The following CAMK1D variants were observed in gnomAD, a reference collection of about 807,000 sequenced individuals.
CAMK1D encodes the protein calcium/calmodulin dependent protein kinase ID.
Under a neutral mutation model 47.7 loss-of-function variants are expected in CAMK1D, and 9 were observed. That is an observed-to-expected ratio of 0.19 (90% confidence interval 0.11 to 0.33). The LOEUF (loss-of-function observed/expected upper bound fraction) is 0.33, where lower values mean the gene tolerates loss of function less well. CAMK1D is among the 10% of genes least tolerant of loss of function. The pLI is 1.00. For synonymous variants in CAMK1D, 184 were observed against 184.9 expected (o/e 0.99, Z 0.04); for missense variants, 291 against 488.7 (o/e 0.60, Z 3.81).
chr10:12,508,036 T>A (rs1037763309), intron 1 of CAMK1D, among the ~76,000 whole-genome samples: 2 of 152,186 alleles, frequency 1.3e-5, no homozygotes, highest in African/African-American at 2.4e-5. Context: ...TTGACAGGCC[T>A]GGGGTAGGAC....
At chr10:12,819,568 A>G (rs560297296) in intron 8 of CAMK1D, among the ~76,000 whole-genome samples, 2 of 152,340 alleles carry the variant, frequency 1.3e-5, no homozygotes, top group South Asian at 4.1e-4. Flanking sequence ...GGACTTTTCA[A>G]GGGGTTACGT....
rs189568238 is a variant in CAMK1D at position 12,446,631 on chromosome 10, G to T, written c.92+96721G>T. Among the ~76,000 whole-genome samples, 160 of 152,304 alleles carry T rather than the reference G, an allele frequency of 1.1e-3. 1 individual carries two copies. Among genetic ancestry groups the T allele is most frequent in the African/African-American group, 3.7e-3 (153 of 41,570 alleles). ...CCCTACTCAAGATGGAGTTGATCTG[G>T]TTCCAGTGCCTCTGACACTAGTATT... On this transcript the variant is annotated intron_variant, in intron 1 of 10. Coordinates refer to ENST00000619168, the MANE Select transcript of CAMK1D (RefSeq NM_153498.4).
chr10:12,613,471 A>G (rs1463629678), intron 2 of CAMK1D, among the ~76,000 whole-genome samples: 3 of 152,252 alleles, frequency 2.0e-5, no homozygotes. Context: ...CTGTTTTAGA[A>G]CTTTGGAACC....
At position 12,751,302 on chromosome 10, in the gene CAMK1D, C is replaced by G. The variant is rs1423891082; in HGVS notation, c.300-9646C>G. On this transcript the variant is annotated intron_variant, in intron 3 of 10. Transcript: ENST00000619168. ...ATAGAGTCTTGCTCTGTCACCCATG[C>G]TGGAGTGAGTGGCATGATCATAGCT... Among the ~76,000 whole-genome samples, 3 of 152,272 alleles carry G rather than the reference C, an allele frequency of 2.0e-5. No homozygotes were observed. The East Asian group carries it at 5.8e-4, about 29-fold the overall frequency.
chr10:12,614,346 T>G (rs1838718044), intron 2 of CAMK1D, among the ~76,000 whole-genome samples: 1 of 152,242 alleles, frequency 6.6e-6, no homozygotes. Flanking sequence ...TAATCCAGAT[T>G]GCTGACAAAA....
chr10:12,371,585 A>C (rs1838008460), intron 1 of CAMK1D, among the ~76,000 whole-genome samples: 1 of 149,764 alleles, frequency 6.7e-6, no homozygotes, highest in South Asian at 2.1e-4. Flanking sequence ...AAAAAAAAAA[A>C]AACCAAAAAA....
intron 2 of CAMK1D, among the ~76,000 whole-genome samples, chr10:12,630,292 C>G (rs1004527217): frequency 1.3e-5 from 2 of 151,898 alleles, no homozygotes; most frequent in African/African-American, 4.8e-5. Context: ...CTTAAATCCC[C>G]CTTCTGCCCA....
At chr10:12,706,898 G>A (rs2130739073) in intron 3 of CAMK1D, among the ~76,000 whole-genome samples, 1 of 152,126 alleles carries the variant, frequency 6.6e-6, no homozygotes, top group Admixed American at 6.5e-5. Context: ...GGAGGAAACA[G>A]ATATATCAGC....
chr10:12,636,517 G>A (rs1011554438), intron 2 of CAMK1D, among the ~76,000 whole-genome samples: 2 of 152,062 alleles, frequency 1.3e-5, no homozygotes, highest in African/African-American at 4.8e-5. Context: ...TTGTAGTGAC[G>A]CAGTCTCACT....
At chr10:12,409,020 C>T (rs936941180) in intron 1 of CAMK1D, among the ~76,000 whole-genome samples, 1 of 151,940 alleles carries the variant, frequency 6.6e-6, no homozygotes, top group Non-Finnish European at 1.5e-5. Flanking sequence ...CCATGCCTGG[C>T]TAATACTTGT....
intron 1 of CAMK1D, among the ~76,000 whole-genome samples, chr10:12,502,889 G>A (rs895870291): frequency 1.3e-5 from 2 of 152,212 alleles, no homozygotes; most frequent in Admixed American, 1.3e-4. Context: ...TCACTGCAGG[G>A]TGCAGTTCAC....
chr10:12,620,545 C>G (rs1009540675), intron 2 of CAMK1D, among the ~76,000 whole-genome samples: 9 of 152,208 alleles, frequency 5.9e-5, no homozygotes, highest in Non-Finnish European at 1.2e-4. Context: ...TTCTATGGGC[C>G]TACTTGCCAT....
At chr10:12,614,552 A>G (rs1339013959) in intron 2 of CAMK1D, among the ~76,000 whole-genome samples, 1 of 152,244 alleles carries the variant, frequency 6.6e-6, no homozygotes, top group East Asian at 1.9e-4. Context: ...TATGTGCTCC[A>G]TACTTGAATG....
At chr10:12,462,690 CTCAT>C (rs1833471675) in intron 1 of CAMK1D, among the ~76,000 whole-genome samples, 1 of 151,898 alleles carries the variant, frequency 6.6e-6, no homozygotes, top group Non-Finnish European at 1.5e-5. Context: ...TTGTGGAGCT[CTCAT>C]TCTCTTTTTT....
chr10:12,828,514 C>T (rs796874888), intron 10 of CAMK1D, among the ~76,000 whole-genome samples: 1 of 151,782 alleles, frequency 6.6e-6, no homozygotes, highest in African/African-American at 2.4e-5. Flanking sequence ...GGTGGTGAGC[C>T]CCTGTAATCC....
intron 1 of CAMK1D, among the ~76,000 whole-genome samples, chr10:12,461,443 C>T (rs1833419299): frequency 6.6e-6 from 1 of 152,162 alleles, no homozygotes; most frequent in African/African-American, 2.4e-5. Flanking sequence ...GTAATCCCAG[C>T]ACCTTGGGAA....
chr10:12,498,797 T>C (rs779128071), intron 1 of CAMK1D, among the ~76,000 whole-genome samples: 3 of 152,204 alleles, frequency 2.0e-5, no homozygotes, highest in Non-Finnish European at 4.4e-5. Flanking sequence ...ATTGTTGCCA[T>C]GAACTCCCTA....
intron 1 of CAMK1D, among the ~76,000 whole-genome samples, chr10:12,534,176 A>G (rs553780371): frequency 2.0e-5 from 3 of 152,142 alleles, no homozygotes; most frequent in African/African-American, 7.2e-5. Context: ...CTGTCTATCT[A>G]TCTATCTATC....
At chr10:12,437,475 G>A (rs12414517) in intron 1 of CAMK1D, among the ~76,000 whole-genome samples, 5 of 152,172 alleles carry the variant, frequency 3.3e-5, no homozygotes, top group African/African-American at 4.8e-5. Context: ...GATTACAGGC[G>A]TGAGCTACCG....
Sources: allele counts gnomAD v4.1 joint callset (sites outside exome capture counted in the v4.1 genomes callset), GRCh38; gene constraint gnomAD v4.1.1; transcripts MANE v1.5; gene names NCBI Gene and HGNC (gene_info 2026-07-23, HGNC 2026-07-21).